Variants in MYO1D observed in about 807,000 individuals in gnomAD.
MYO1D encodes unconventional myosin-Id.
MYO1D carries 83 observed loss-of-function variants against 122.0 expected under a neutral mutation model. The observed-to-expected ratio is 0.68, with a 90% CI of 0.57 to 0.82. The LOEUF is 0.82. Ranked by LOEUF, MYO1D falls within the 40% of genes least tolerant of loss-of-function variation. The pLI is 0.00. For missense variants in MYO1D, 1,157 were observed against 1,269.5 expected, an observed-to-expected ratio of 0.91 and a Z score of 1.35; for synonymous variants, 464 against 446.9, an observed-to-expected ratio of 1.04 and a Z score of -0.48.
intron 1 of MYO1D, among the ~76,000 whole-genome samples, chr17:32,832,459 C>G (rs2090781072): frequency 6.6e-6 from 1 of 152,016 alleles, no homozygotes; most frequent in South Asian, 2.1e-4. Flanking sequence ...GCCACCACGC[C>G]CAGCTAATTT....
chr17:32,758,019 A>G (rs1329663456), intron 10 of MYO1D, among the ~76,000 whole-genome samples: 1 of 152,200 alleles, frequency 6.6e-6, no homozygotes, highest in African/African-American at 2.4e-5. Flanking sequence ...ATAACCAGAC[A>G]TTATGAACCT....
chr17:32,561,733 T>C (rs1412893034), intron 21 of MYO1D, among the ~76,000 whole-genome samples: 1 of 149,626 alleles, frequency 6.7e-6, no homozygotes, highest in Admixed American at 6.7e-5. Flanking sequence ...GACAAAAAGC[T>C]ATAAAGAAAT....
chr17:32,874,937 A>G (rs986648997), intron 1 of MYO1D, among the ~76,000 whole-genome samples: 2 of 152,212 alleles, frequency 1.3e-5, no homozygotes, highest in African/African-American at 4.8e-5. Context: ...TACTTTTTAA[A>G]AACCACAAGA....
intron 16 of MYO1D, among the ~76,000 whole-genome samples, chr17:32,676,871 C>T (rs190189960): frequency 3.3e-4 from 50 of 150,868 alleles, no homozygotes; most frequent in African/African-American, 1.0e-3. Context: ...AGTGCAGTGG[C>T]GCTATCTTGG....
Position 32,760,386 on chromosome 17 carries a change from G to A in MYO1D, c.1200C>T (p.Ile400=). Reference sequence around the variant, plus strand: ...GCTGCAGTTTCTCATTGCAGTAATTGATACAGAATTGTTCAAAACTACAAG... The same window carrying A: ...GCTGCAGTTTCTCATTGCAGTAATTAATACAGAATTGTTCAAAACTACAAG... ...FDNNSFEQFC[I]NYCNEKLQQL... Residue 400 remains isoleucine (I), a synonymous_variant, in exon 10 of 22, where the codon ATC becomes ATT. Transcript: ENST00000318217. 1 of 1,609,178 alleles carries A rather than the reference G, an allele frequency of 6.2e-7. No homozygotes were observed. Among genetic ancestry groups the A allele is most frequent in the Non-Finnish European group, 8.5e-7 (1 of 1,176,200 alleles).
intron 18 of MYO1D, 152 bp downstream of exon 18, chr17:32,654,325 C>T (rs983037499): frequency 2.6e-5 from 22 of 851,474 alleles, no homozygotes; most frequent in Admixed American, 9.0e-5. Context: ...AAATACTGTA[C>T]ATTTAGAAGC....
chr17:32,716,033 C>T (rs755797994), intron 15 of MYO1D, among the ~76,000 whole-genome samples: 85 of 151,608 alleles, frequency 5.6e-4, no homozygotes, highest in Middle Eastern at 6.8e-3. Context: ...ATTCTGCATA[C>T]ATCAGTCAGA....
chr17:32,778,521 A>G lies in MYO1D; in HGVS notation c.357T>C (p.Ile119=), dbSNP rs2090203137. ...TEASKYIMQY[I]AAITNPSQRA... ...TCTGACTGGGGTTGGTGATGGCCGC[A>G]ATATACTGCATAATGTACTTACTGG... Residue 119 remains isoleucine, a synonymous_variant, in exon 3 of 22, where the codon ATT becomes ATC. Coordinates refer to ENST00000318217, the MANE Select transcript of MYO1D (RefSeq NM_015194.3). 6.2e-7 allele frequency: 1 copy of G among 1,614,142 alleles called. No homozygotes were observed. The highest frequency in any genetic ancestry group is 1.3e-5 in the African/African-American group (1 of 75,056).
intron 1 of MYO1D, among the ~76,000 whole-genome samples, chr17:32,854,384 C>T (rs1317761155): frequency 6.6e-6 from 1 of 152,208 alleles, no homozygotes; most frequent in Non-Finnish European, 1.5e-5. Flanking sequence ...ACAAATGAGT[C>T]ACCTTCCTCC....
intron 20 of MYO1D, among the ~76,000 whole-genome samples, chr17:32,613,881 T>C (rs1306071730): frequency 6.7e-6 from 1 of 149,714 alleles, no homozygotes; most frequent in African/African-American, 2.5e-5. Context: ...CGTGTGCTTG[T>C]CCAACCAGAA....
At chr17:32,805,346 T>C (rs945400171) in intron 1 of MYO1D, among the ~76,000 whole-genome samples, 1 of 152,206 alleles carries the variant, frequency 6.6e-6, no homozygotes, top group Non-Finnish European at 1.5e-5. Context: ...TTATTTTTAA[T>C]CCTAATTTGG....
chr17:32,522,422 C>T (rs1910177382), intron 21 of MYO1D, among the ~76,000 whole-genome samples: 1 of 152,212 alleles, frequency 6.6e-6, no homozygotes. Context: ...ACTCTAGTTT[C>T]TTGAAGGCCT....
At chr17:32,582,079 T>A (rs1216047589) in intron 21 of MYO1D, among the ~76,000 whole-genome samples, 1 of 151,960 alleles carries the variant, frequency 6.6e-6, no homozygotes, top group African/African-American at 2.4e-5. Context: ...GCTGGCTGAT[T>A]TTTTTGTAAT....
Position 32,605,161 on chromosome 17 carries a change from G to T in MYO1D, c.2790C>A (p.Cys930Ter). Residue 930 changes from cysteine to a stop codon, truncating the protein, a stop_gained, in exon 21 of 22, where the codon TGC becomes TGA. Coordinates refer to ENST00000318217, the MANE Select transcript of MYO1D (RefSeq NM_015194.3). LOFTEE classifies it high-confidence loss of function. ...HTKDNKDLIV[C>*]LFSKQPTHES... is the part of the protein sequence containing the mutation. The stretch of plus-strand genomic sequence containing the variant: ...CATGGGTTGGCTGTTTGCTGAAGAG[G>T]CAGACAATGAGGTCTTTGTTGTCTT... 6.2e-7 allele frequency: 1 copy of T among 1,610,010 alleles called. No homozygotes were observed. The highest frequency in any genetic ancestry group is 8.5e-7 in the Non-Finnish European group (1 of 1,176,966).
intron 19 of MYO1D, among the ~76,000 whole-genome samples, chr17:32,645,233 T>A (rs2088270742): frequency 1.3e-5 from 2 of 152,224 alleles, no homozygotes; most frequent in Admixed American, 6.5e-5. Flanking sequence ...GAATGTTGAA[T>A]ATTGGCCCCC....
intron 15 of MYO1D, among the ~76,000 whole-genome samples, chr17:32,718,893 A>G (rs773432566): frequency 4.6e-5 from 7 of 152,142 alleles, no homozygotes; most frequent in African/African-American, 9.7e-5. Context: ...CTATGTTACC[A>G]GTGACTCCAA....
chr17:32,667,697 C>T (rs987971899), intron 16 of MYO1D, among the ~76,000 whole-genome samples: 4 of 152,154 alleles, frequency 2.6e-5, no homozygotes, highest in African/African-American at 9.7e-5. Context: ...AAGTGACCAC[C>T]CCTGAGCTGT....
chr17:32,790,058 GCTT>G (rs539164109), intron 1 of MYO1D, among the ~76,000 whole-genome samples: 123 of 152,252 alleles, frequency 8.1e-4, no homozygotes, highest in African/African-American at 2.7e-3. Flanking sequence ...AATAAGATAT[GCTT>G]CTTCACCTAT....
chr17:32,733,635 C>T (rs2150999871), intron 14 of MYO1D, among the ~76,000 whole-genome samples: 1 of 152,268 alleles, frequency 6.6e-6, no homozygotes, highest in African/African-American at 2.4e-5. Context: ...CTACTTTGGG[C>T]AGGCCCTGGG....
Sources: allele counts gnomAD v4.1 joint callset (sites outside exome capture counted in the v4.1 genomes callset), GRCh38; gene constraint gnomAD v4.1.1; transcripts MANE v1.5; gene names NCBI Gene and HGNC (gene_info 2026-07-23, HGNC 2026-07-21).